CORIN: variants seen among roughly 807,000 people sequenced by gnomAD.
The protein encoded by CORIN is atrial natriuretic peptide-converting enzyme.
Under a neutral mutation model 125.3 loss-of-function variants are expected in CORIN, and 117 were observed. The observed-to-expected ratio is 0.93, with a 90% CI of 0.80 to 1.09. The LOEUF is 1.09. CORIN is among the 50% of genes least tolerant of loss of function. The pLI is 0.00. For synonymous variants in CORIN, 450 were observed against 466.4 expected (o/e 0.96, Z 0.45); for missense variants, 1,253 against 1,306.7 (o/e 0.96, Z 0.63).
At position 47,623,449 on chromosome 4, in the gene CORIN, A is replaced by G. The variant is rs539402180; in HGVS notation, c.2540+122T>C. On this transcript the variant is annotated intron_variant, in intron 19 of 21. Coordinates refer to ENST00000273857, the MANE Select transcript of CORIN (RefSeq NM_006587.4). The stretch of plus-strand genomic sequence containing the variant: ...AACTTTAGGAAGATAAAGGCCTGGG[A>G]AGTAGATTAGCTGTGGCTTTCGCCT... The G allele has an allele frequency of 6.4e-5, 63 of 985,102 alleles. 1 individual carries two copies. The highest frequency in any genetic ancestry group is 1.2e-5 in the Non-Finnish European group (8 of 668,324). The allele number at this position is 985,102 out of a possible 1,614,324, so 61.0% of individuals were successfully genotyped here.
chr4:47,797,858 A>C (rs2109936338), intron 2 of CORIN, among the ~76,000 whole-genome samples: 1 of 152,072 alleles, frequency 6.6e-6, no homozygotes, highest in Non-Finnish European at 1.5e-5. Context: ...TCTTACCTAA[A>C]CTCCCATGTC....
At chr4:47,605,525 C>A (rs1469859204) in intron 19 of CORIN, among the ~76,000 whole-genome samples, 1 of 152,140 alleles carries the variant, frequency 6.6e-6, no homozygotes, top group Non-Finnish European at 1.5e-5. Context: ...ATTGTTGGGG[C>A]AAGGGTAGAG....
chr4:47,804,743 G>C (rs867491279), intron 2 of CORIN, among the ~76,000 whole-genome samples: 4 of 127,312 alleles, frequency 3.1e-5, no homozygotes, highest in Non-Finnish European at 4.9e-5. Flanking sequence ...GGGAGGGGGG[G>C]GGTTGTTAAT....
intron 10 of CORIN, among the ~76,000 whole-genome samples, chr4:47,666,731 C>T (rs1001382048): frequency 6.6e-6 from 1 of 152,112 alleles, no homozygotes; most frequent in Non-Finnish European, 1.5e-5. Context: ...CGCAAGAGGG[C>T]AACTGTCTGC....
chr4:47,732,942 A>T (rs985549766), intron 5 of CORIN, among the ~76,000 whole-genome samples: 10 of 151,998 alleles, frequency 6.6e-5, no homozygotes, highest in Non-Finnish European at 1.5e-4. Flanking sequence ...TCTCTCCCAA[A>T]TGTACCATGG....
intron 5 of CORIN, among the ~76,000 whole-genome samples, chr4:47,720,890 G>A (rs1398267494): frequency 6.6e-6 from 1 of 152,112 alleles, no homozygotes; most frequent in Non-Finnish European, 1.5e-5. Context: ...AGATTCAAAG[G>A]GGTTCAGATC....
In CORIN at chr4:47,775,394, G is replaced by A. The variant is rs538078749; in HGVS notation, c.409+11331C>T. 3.9e-4 allele frequency among the ~76,000 whole-genome samples: 59 copies of A among 151,932 alleles called. 1 individual carries two copies. The East Asian group carries it at 4.3e-3, about 11-fold the overall frequency. The stretch of plus-strand genomic sequence containing the variant: ...TCCTCCCACCCCACGACGGGCCCCC[G>A]TGTGTGATGTTCCCCATCCTGTGTC... On this transcript the variant is annotated intron_variant, in intron 3 of 21. Transcript: ENST00000273857.
intron 12 of CORIN, among the ~76,000 whole-genome samples, chr4:47,660,782 A>G (rs568718814): frequency 2.5e-4 from 38 of 152,326 alleles, no homozygotes; most frequent in African/African-American, 8.9e-4. Context: ...TTCTCAAAAA[A>G]CTAAAAGTAG....
intron 13 of CORIN, among the ~76,000 whole-genome samples, chr4:47,652,950 T>C (rs1168883215): frequency 2.0e-5 from 3 of 152,214 alleles, no homozygotes; most frequent in African/African-American, 7.2e-5. Context: ...TTTACATTTG[T>C]GAGGTGCTTC....
chr4:47,626,065 C>T (rs997372112), intron 17 of CORIN, among the ~76,000 whole-genome samples: 3 of 152,050 alleles, frequency 2.0e-5, no homozygotes, highest in Non-Finnish European at 4.4e-5. Context: ...ACTTCAGTTC[C>T]CTCTGTTTAC....
At chr4:47,722,519 T>G (rs537322541) in intron 5 of CORIN, among the ~76,000 whole-genome samples, 32 of 152,330 alleles carry the variant, frequency 2.1e-4, no homozygotes, top group Admixed American at 9.1e-4. Context: ...ATTTAAAATA[T>G]CTTCCATCTT....
In CORIN at chr4:47,837,915, C is replaced by A. The variant is rs763907272; in HGVS notation, c.35G>T (p.Arg12Leu). The change falls in exon 1 of 22, where the codon CGC (arginine) becomes CTC (leucine). Residue 12 changes from arginine (R) to leucine (L), a missense_variant. By Grantham distance (102) the Arg-to-Leu change is moderately radical (BLOSUM62 -2). Coordinates refer to ENST00000273857, the MANE Select transcript of CORIN (RefSeq NM_006587.4). ...KQSPALAPEE[R>L]CRRAGSPKPV... ...CTTTGGGGACCCGGCTCTGCGGCAG[C>A]GCTCTTCCGGAGCGAGGGCAGGAGA... is the stretch of plus-strand genomic sequence containing the variant. 6.2e-7 allele frequency: 1 copy of A among 1,613,710 alleles called. No individual in the cohort carries two copies. The highest frequency in any genetic ancestry group is 8.5e-7 in the Non-Finnish European group (1 of 1,180,030).
chr4:47,662,204 G>T (rs1190792631), intron 11 of CORIN, among the ~76,000 whole-genome samples: 1 of 152,150 alleles, frequency 6.6e-6, no homozygotes, highest in African/African-American at 2.4e-5. Context: ...AAACAGGGAA[G>T]TCTCCAACAT....
At chr4:47,809,804 C>T (rs1394585766) in intron 1 of CORIN, among the ~76,000 whole-genome samples, 2 of 152,214 alleles carry the variant, frequency 1.3e-5, no homozygotes, top group African/African-American at 2.4e-5. Context: ...GCATAACTTT[C>T]CTCTTGCACT....
At chr4:47,722,318 C>A (rs564627306) in intron 5 of CORIN, among the ~76,000 whole-genome samples, 10 of 152,328 alleles carry the variant, frequency 6.6e-5, no homozygotes, top group African/African-American at 2.2e-4. Flanking sequence ...TCAATTTCCA[C>A]ACCCTTAAAT....
intron 13 of CORIN, among the ~76,000 whole-genome samples, chr4:47,647,987 CT>C (rs1723561907): frequency 6.6e-6 from 1 of 152,160 alleles, no homozygotes; most frequent in Non-Finnish European, 1.5e-5. Context: ...CTCTCCATGT[CT>C]TCTCTTTTCT....
chr4:47,683,970 G>A, intron 6 of CORIN, 132 bp from the exon 7 acceptor site: 6 of 611,230 alleles, frequency 9.8e-6, no homozygotes, highest in Non-Finnish European at 1.7e-5. Context: ...TGTTTTATAG[G>A]TGAGAAGGTG....
chr4:47,727,841 C>T (rs1362300007), intron 5 of CORIN, among the ~76,000 whole-genome samples: 3 of 152,062 alleles, frequency 2.0e-5, no homozygotes, highest in Non-Finnish European at 4.4e-5. Flanking sequence ...TTATCTGACA[C>T]TATTTACATT....
At chr4:47,758,183 G>A (rs1405403473) in intron 4 of CORIN, among the ~76,000 whole-genome samples, 4 of 151,882 alleles carry the variant, frequency 2.6e-5, no homozygotes, top group Admixed American at 6.6e-5. Context: ...AAAGTGCTGG[G>A]ATTACAGGTG....
Sources: allele counts gnomAD v4.1 joint callset (sites outside exome capture counted in the v4.1 genomes callset), GRCh38; gene constraint gnomAD v4.1.1; transcripts MANE v1.5; gene names NCBI Gene and HGNC (gene_info 2026-07-23, HGNC 2026-07-21).